SLC6A15: variants seen among roughly 807,000 people sequenced by gnomAD.
SLC6A15 encodes solute carrier family 6 member 15.
Under a neutral mutation model 68.5 loss-of-function variants are expected in SLC6A15, and 33 were observed. The observed-to-expected ratio is 0.48, with a 90% CI of 0.37 to 0.64. SLC6A15 has a LOEUF of 0.64. Among genes scored for constraint, SLC6A15 ranks in the 30% least tolerant of loss-of-function variants. SLC6A15 has a pLI of 0.00. For missense variants in SLC6A15, 747 were observed against 874.3 expected, an observed-to-expected ratio of 0.85 and a Z score of 1.84; for synonymous variants, 347 against 301.0, an observed-to-expected ratio of 1.15 and a Z score of -1.58.
chr12:84,862,380 C>T (rs1390590698), intron 11 of SLC6A15, among the ~76,000 whole-genome samples: 1 of 152,130 alleles, frequency 6.6e-6, no homozygotes, highest in African/African-American at 2.4e-5. Flanking sequence ...ATCAATGTCG[C>T]TCTTAGCCAT....
At position 84,882,348 on chromosome 12, in the gene SLC6A15, T is replaced by A. The variant is rs542276687; in HGVS notation, c.756+1511A>T. 3.1e-4 allele frequency: 306 copies of A among 984,056 alleles called. 2 individuals carry two copies. The South Asian group carries it at 0.013, about 42-fold the overall frequency. The allele number at this position is 984,056 out of a possible 1,614,324, so 61.0% of individuals were successfully genotyped here. A position where few individuals can be genotyped will look rare whatever the true frequency, so the allele number is the denominator to read the frequency against. ...TACACAATTGAACAATTCGAAGTTA[T>A]TTAGTCATATAATACAATAACATTG... On this transcript the variant is annotated intron_variant, in intron 5 of 11. Transcript: ENST00000266682.
At position 84,891,866 on chromosome 12, in the gene SLC6A15, C is replaced by T. The variant is rs1174977963; in HGVS notation, c.255G>A (p.Trp85Ter). ...VGFSVGLGNV[W>*]RFPYLCQKNG... ...TCTTCTGACATAGGTATGGAAATCG[C>T]CACACATTTCCTAAACCTACAGAAA... The change falls in exon 2 of 12, where the codon TGG (tryptophan) becomes TGA (stop). Residue 85 changes from tryptophan to a stop codon, truncating the protein, a stop_gained. Coordinates refer to ENST00000266682, the MANE Select transcript of SLC6A15 (RefSeq NM_182767.6). LOFTEE classifies it high-confidence loss of function. 6.2e-7 allele frequency: 1 copy of T among 1,613,772 alleles called. No homozygotes were observed. The highest frequency in any genetic ancestry group is 1.1e-5 in the South Asian group (1 of 91,038).
At chr12:84,908,276 AC>A (rs1873266714) in intron 1 of SLC6A15, among the ~76,000 whole-genome samples, 1 of 152,088 alleles carries the variant, frequency 6.6e-6, no homozygotes, top group Admixed American at 6.6e-5. Context: ...TTTTTTTAAT[AC>A]CCTAAAATTA....
intron 1 of SLC6A15, among the ~76,000 whole-genome samples, chr12:84,897,868 G>A (rs1592611667): frequency 3.3e-5 from 5 of 152,092 alleles, no homozygotes; most frequent in Admixed American, 3.3e-4. Context: ...CCATGTTGAA[G>A]AATAGAAGTG....
chr12:84,885,497 T>G lies in SLC6A15; in HGVS notation c.512A>C (p.Gln171Pro). The change falls in exon 4 of 12, where the codon CAG (glutamine) becomes CCG (proline). Residue 171 changes from glutamine to proline, a missense_variant. Coordinates refer to ENST00000266682, the MANE Select transcript of SLC6A15 (RefSeq NM_182767.6). ...CCAAGGCAGGGGTTGCTGAAAAGAC[T>G]GAGAAAAATAAAACAAACTCCAGCC... is the stretch of plus-strand genomic sequence containing the variant. The part of the protein sequence containing the change: ...IIGWSLFYFS[Q>P]SFQQPLPWDQ... 6.2e-7 allele frequency: 1 copy of G among 1,613,630 alleles called. No homozygotes were observed. The highest frequency in any genetic ancestry group is 8.5e-7 in the Non-Finnish European group (1 of 1,179,732).
chr12:84,863,350 A>C, intron 11 of SLC6A15, 89 bp downstream of exon 11: 1 of 977,478 alleles, frequency 1.0e-6, no homozygotes. Flanking sequence ...AAACAGCAAA[A>C]AATACTGTGA....
intron 11 of SLC6A15, 61 bp downstream of exon 11, chr12:84,863,378 G>A (rs2120531262): frequency 1.6e-6 from 2 of 1,266,674 alleles, no homozygotes; most frequent in Non-Finnish European, 2.2e-6. Context: ...AAAAGAAAAA[G>A]CCCTCTAAAA....
intron 2 of SLC6A15, among the ~76,000 whole-genome samples, chr12:84,888,538 A>G (rs1872227616): frequency 6.6e-6 from 1 of 152,162 alleles, no homozygotes; most frequent in African/African-American, 2.4e-5. Context: ...TTATGTTCTC[A>G]TTTATAAGTA....
intron 5 of SLC6A15, chr12:84,882,655 C>A (rs1379806257): frequency 1.0e-5 from 2 of 192,984 alleles, no homozygotes; most frequent in Non-Finnish European, 1.9e-5. Context: ...GACAGACTTG[C>A]ATTTGACTCC....
chr12:84,885,811 GTTGT>G lies in SLC6A15; in HGVS notation c.447+96_447+99del, dbSNP rs1345722726. On this transcript the variant is annotated intron_variant, in intron 3 of 11. Transcript: ENST00000266682. ...ACGTTTTCTAAAACATAGTAAAAGA[GTTGT>G]TTATTAACACACACTCCAAAGTTTC... 23 of 1,228,340 alleles carry G rather than the reference GTTGT, an allele frequency of 1.9e-5. No individual in the cohort carries two copies. The African/African-American group carries it at 2.6e-4, about 14-fold the overall frequency. 76.1% of individuals were successfully genotyped at this position (1,228,340 alleles called of 1,614,324 possible). A position where few individuals can be genotyped will look rare whatever the true frequency, so the allele number is the denominator to read the frequency against.
At chr12:84,885,640 A>T (rs1282354480) in intron 3 of SLC6A15, 79 bp from the exon 4 acceptor site, 1 of 1,389,380 alleles carries the variant, frequency 7.2e-7, no homozygotes, top group Non-Finnish European at 9.8e-7. Context: ...ATAAAATTTT[A>T]TTTAACATTT....
chr12:84,896,077 G>C (rs921139478), intron 1 of SLC6A15, among the ~76,000 whole-genome samples: 2 of 152,182 alleles, frequency 1.3e-5, no homozygotes, highest in Admixed American at 6.5e-5. Context: ...TCAAGTAACA[G>C]CACAATCTCT....
chr12:84,911,463 A>T (rs1400448057), intron 1 of SLC6A15, among the ~76,000 whole-genome samples: 1 of 152,162 alleles, frequency 6.6e-6, no homozygotes, highest in African/African-American at 2.4e-5. Flanking sequence ...GTCTTACTCC[A>T]GCCTTTCCCA....
intron 1 of SLC6A15, among the ~76,000 whole-genome samples, chr12:84,898,619 AC>A (rs1402411956): frequency 1.3e-5 from 2 of 152,234 alleles, no homozygotes; most frequent in Non-Finnish European, 2.9e-5. Flanking sequence ...TAAAATGAGA[AC>A]AATAATATAC....
At chr12:84,899,135 GC>G (rs1277502056) in intron 1 of SLC6A15, among the ~76,000 whole-genome samples, 2 of 152,106 alleles carry the variant, frequency 1.3e-5, no homozygotes, top group Non-Finnish European at 2.9e-5. Context: ...TCCAACTGTA[GC>G]CAAAAAGAAA....
rs745927051 is a variant in SLC6A15, at chr12:84,892,155, A to AG, written c.-36_-35insC. ...TGCGAAGTATTTAAAAAAAAAAAAA[A>AG]AAACTCCCTTATGGCAAATGTGTTA... On this transcript the variant is annotated 5_prime_UTR_variant, in exon 2 of 12. Transcript: ENST00000266682. The AG allele has an allele frequency of 1.9e-6, 3 of 1,544,304 alleles. No individual in the cohort carries two copies. In the African/African-American group the frequency reaches 4.2e-5, roughly 22 times the overall value.
chr12:84,873,123 A>G lies in SLC6A15; in HGVS notation c.1073T>C (p.Phe358Ser), dbSNP rs141120120. The G allele has an allele frequency of 6.2e-7, 1 of 1,614,158 alleles. No homozygotes were observed. The highest frequency in any genetic ancestry group is 8.5e-7 in the Non-Finnish European group (1 of 1,179,998). Reference sequence around the variant, plus strand: ...TTTCTCATTTATGACATTTGCTTTGAAGCCCAGAACTGCAAACACCACCAA... The same window carrying G: ...TTTCTCATTTATGACATTTGCTTTGGAGCCCAGAACTGCAAACACCACCAA... ...ATLVVFAVLG[F>S]KANVINEKCI... Residue 358 changes from phenylalanine (F) to serine (S), a missense_variant, in exon 7 of 12, where the codon TTC becomes TCC. Transcript: ENST00000266682.
In SLC6A15 at chr12:84,861,975, C is replaced by A; in HGVS notation, c.1850G>T (p.Trp617Leu). Residue 617 changes from tryptophan (W) to leucine (L), a missense_variant, in exon 12 of 12, where the codon TGG (tryptophan) becomes TTG (leucine). Physicochemically the swap from Trp to Leu is moderately conservative, Grantham distance 61. Transcript: ENST00000266682. ...ASEEFLSYPT[W>L]GLVVCVSLVV... ...CAGAGAGACACAAACAACCAGTCCC[C>A]ATGTTGGATAGCTCAGAAATTCTTC... 1 of 1,604,642 alleles carries A rather than the reference C, an allele frequency of 6.2e-7. No homozygotes were observed. The highest frequency in any genetic ancestry group is 1.1e-5 in the South Asian group (1 of 89,754).
chr12:84,862,531 G>A (rs2120526283), intron 11 of SLC6A15, among the ~76,000 whole-genome samples: 1 of 152,218 alleles, frequency 6.6e-6, no homozygotes, highest in South Asian at 2.1e-4. Context: ...TTATGCCTCA[G>A]TCTAGAATTA....
Sources: gnomAD v4.1 joint callset for allele counts (sites outside exome capture counted in the v4.1 genomes callset) on GRCh38, gnomAD v4.1.1 for gene constraint, MANE v1.5 for transcripts, NCBI Gene and HGNC (gene_info 2026-07-23, HGNC 2026-07-21) for gene names.